The following RGS17 variants were observed in gnomAD, a reference collection of about 807,000 sequenced individuals.
RGS17 encodes the protein regulator of G-protein signaling 17.
A neutral mutation model predicts 25.5 loss-of-function variants in RGS17; 12 were observed. The ratio of observed to expected loss-of-function variants is 0.47; its 90% confidence interval spans 0.30 to 0.76. The LOEUF (loss-of-function observed/expected upper bound fraction) is 0.76. Ranked by LOEUF, RGS17 falls within the 30% of genes least tolerant of loss-of-function variation. RGS17 has a pLI of 0.07. For synonymous variants in RGS17, 71 were observed against 76.9 expected, an observed-to-expected ratio of 0.92 and a Z score of 0.40; for missense variants, 196 against 242.2, an observed-to-expected ratio of 0.81 and a Z score of 1.27.
chr6:153,114,051 G>A (rs763890591), intron 1 of RGS17, among the ~76,000 whole-genome samples: 3 of 152,036 alleles, frequency 2.0e-5, no homozygotes, highest in Admixed American at 6.6e-5. Context: ...AAATTCAAAA[G>A]CTAGCAAAAG....
At chr6:153,083,482 A>T (rs1021021187) in intron 1 of RGS17, among the ~76,000 whole-genome samples, 19 of 152,242 alleles carry the variant, frequency 1.2e-4, no homozygotes, top group Non-Finnish European at 2.6e-4. Context: ...CTAATGGATC[A>T]TTTCCTAACA....
Position 153,009,773 on chromosome 6 carries a change from T to C in RGS17, c.*1801A>G, listed in dbSNP as rs529408699. ...AAACAGAATATTTTGTTTTCTACTC[T>C]GCAATTTTTAAAAAATCCCATTTTG... On this transcript the variant is annotated 3_prime_UTR_variant, in exon 5 of 5. Coordinates refer to ENST00000206262, the MANE Select transcript of RGS17 (RefSeq NM_012419.5). 2 of 151,988 alleles carry C rather than the reference T, an allele frequency of 1.3e-5. No individual in the cohort carries two copies. Among genetic ancestry groups the C allele is most frequent in the Non-Finnish European group, 2.9e-5 (2 of 67,844 alleles). 9.4% of individuals were successfully genotyped at this position (151,988 alleles called of 1,614,324 possible).
chr6:153,095,295 T>A (rs1157634624), intron 1 of RGS17, among the ~76,000 whole-genome samples: 1 of 152,148 alleles, frequency 6.6e-6, no homozygotes, highest in African/African-American at 2.4e-5. Context: ...CATTTAAGTG[T>A]TATATCTTGG....
Position 153,008,295 on chromosome 6 carries a change from G to A in RGS17, c.*3279C>T, listed in dbSNP as rs188045818. ...ATCCATGCACTAAGACGGCATATCA[G>A]AACTGGTCATTCTATGTACATATTT... On this transcript the variant is annotated 3_prime_UTR_variant, in exon 5 of 5. Coordinates refer to ENST00000206262, the MANE Select transcript of RGS17 (RefSeq NM_012419.5). The A allele has an allele frequency of 2.3e-4, 35 of 150,636 alleles. No homozygotes were observed. Among genetic ancestry groups the A allele is most frequent in the Admixed American group, 1.9e-3 (29 of 14,984 alleles). 9.3% of individuals were successfully genotyped at this position (150,636 alleles called of 1,614,324 possible).
chr6:153,067,999 A>G (rs1776733514), intron 1 of RGS17, among the ~76,000 whole-genome samples: 1 of 152,238 alleles, frequency 6.6e-6, no homozygotes, highest in South Asian at 2.1e-4. Flanking sequence ...CCAGAAATAA[A>G]TCAACACACC....
chr6:153,129,476 C>A (rs1447742875), intron 1 of RGS17, among the ~76,000 whole-genome samples: 1 of 152,226 alleles, frequency 6.6e-6, no homozygotes, highest in South Asian at 2.1e-4. Flanking sequence ...GTACACGCAG[C>A]GTCTGGCAGT....
At chr6:153,044,095 T>G in intron 1 of RGS17, 52 bp from the exon 2 acceptor site, 1 of 839,976 alleles carries the variant, frequency 1.2e-6, no homozygotes, top group Admixed American at 1.9e-5. Context: ...TAAGGATAAG[T>G]TGCGTATGCT....
intron 1 of RGS17, among the ~76,000 whole-genome samples, chr6:153,122,162 C>T (rs2129127042): frequency 6.6e-6 from 1 of 152,236 alleles, no homozygotes; most frequent in East Asian, 1.9e-4. Context: ...TGTGCCTCCC[C>T]CTCTATTCTC....
At chr6:153,127,759 C>T (rs1295879361) in intron 1 of RGS17, among the ~76,000 whole-genome samples, 1 of 152,168 alleles carries the variant, frequency 6.6e-6, no homozygotes, top group Non-Finnish European at 1.5e-5. Context: ...CTGAAAATTG[C>T]TTCCTCCAAA....
At chr6:153,127,959 C>A (rs1777726599) in intron 1 of RGS17, among the ~76,000 whole-genome samples, 1 of 152,096 alleles carries the variant, frequency 6.6e-6, no homozygotes, top group Non-Finnish European at 1.5e-5. Context: ...CAGGTGCTGG[C>A]ACAATAGCAG....
chr6:153,039,151 G>T (rs555992445), intron 2 of RGS17, among the ~76,000 whole-genome samples: 1 of 152,138 alleles, frequency 6.6e-6, no homozygotes, highest in Non-Finnish European at 1.5e-5. Flanking sequence ...GAAATGAAAA[G>T]CTTGGAAGTG....
rs1779128020 is a variant in RGS17 at position 153,011,150 on chromosome 6, T to G, written c.*424A>C. 6.4e-6 allele frequency: 1 copy of G among 157,000 alleles called. No individual in the cohort carries two copies. Among genetic ancestry groups the G allele is most frequent in the Non-Finnish European group, 1.4e-5 (1 of 71,206 alleles). 9.7% of individuals were successfully genotyped at this position (157,000 alleles called of 1,614,324 possible). ...GTTAAAAAATGCAAACCATGGCCGA[T>G]TTTTTTGGCAATTATTTCTTAAGAC... On this transcript the variant is annotated 3_prime_UTR_variant, in exon 5 of 5. Coordinates refer to ENST00000206262, the MANE Select transcript of RGS17 (RefSeq NM_012419.5).
At chr6:153,052,701 G>A (rs1459127561) in intron 1 of RGS17, among the ~76,000 whole-genome samples, 1 of 152,088 alleles carries the variant, frequency 6.6e-6, no homozygotes, top group East Asian at 1.9e-4. Context: ...TGAGGCTACT[G>A]GGATGGAAAT....
rs368571548 is a variant in RGS17 at position 153,112,681 on chromosome 6, G to A, written c.-26+18443C>T. On this transcript the variant is annotated intron_variant, in intron 1 of 4. Coordinates refer to ENST00000206262, the MANE Select transcript of RGS17 (RefSeq NM_012419.5). ...TTAAGGGCAGCCAGAGAAAAAGGTC[G>A]GGTTACCCACAAAGGGAAGCCCATC... 3.9e-5 allele frequency among the ~76,000 whole-genome samples: 6 copies of A among 152,208 alleles called. No homozygotes were observed. In the East Asian group the frequency reaches 9.7e-4, roughly 24 times the overall value.
intron 1 of RGS17, among the ~76,000 whole-genome samples, chr6:153,103,737 A>C (rs572306749): frequency 6.6e-6 from 1 of 152,242 alleles, no homozygotes; most frequent in Non-Finnish European, 1.5e-5. Flanking sequence ...GGGTAAAATC[A>C]GGAAACAAAT....
intron 1 of RGS17, among the ~76,000 whole-genome samples, chr6:153,087,314 G>A (rs1241734287): frequency 1.3e-5 from 2 of 152,162 alleles, no homozygotes; most frequent in African/African-American, 4.8e-5. Flanking sequence ...ATGTGTACTG[G>A]AGATGATGTA....
At chr6:153,080,138 T>C (rs575215036) in intron 1 of RGS17, among the ~76,000 whole-genome samples, 47 of 152,108 alleles carry the variant, frequency 3.1e-4, no homozygotes, top group Non-Finnish European at 1.8e-4. Context: ...CACACCACCA[T>C]ACCCAGCTAA....
chr6:153,078,433 T>C (rs1776919112), intron 1 of RGS17, among the ~76,000 whole-genome samples: 1 of 152,160 alleles, frequency 6.6e-6, no homozygotes, highest in Non-Finnish European at 1.5e-5. Flanking sequence ...TATATCTTTT[T>C]AAATTTCTCA....
rs984396934 is a variant in RGS17 at position 153,027,065 on chromosome 6, T to A, written c.120-522A>T. Among the ~76,000 whole-genome samples, 135 of 152,284 alleles carry A rather than the reference T, an allele frequency of 8.9e-4. 1 individual carries two copies. The highest frequency in any genetic ancestry group is 3.2e-3 in the African/African-American group (131 of 41,552). On this transcript the variant is annotated intron_variant, in intron 2 of 4. Transcript: ENST00000206262. ...AATATCATTCCTTCAATTGCTAAAA[T>A]CAAGCTACCGGATTTATATTTGACT...
Sources: allele counts gnomAD v4.1 joint callset (sites outside exome capture counted in the v4.1 genomes callset), GRCh38; gene constraint gnomAD v4.1.1; transcripts MANE v1.5; gene names NCBI Gene and HGNC (gene_info 2026-07-23, HGNC 2026-07-21).